Variants in MELK observed in about 807,000 individuals in gnomAD.
The protein encoded by MELK is pEg3 kinase.
Under a neutral mutation model 85.0 loss-of-function variants are expected in MELK, and 81 were observed. The ratio of observed to expected loss-of-function variants is 0.95; its 90% CI spans 0.80 to 1.15. MELK has a LOEUF of 1.15. MELK is among the 50% of genes most tolerant of loss of function. MELK has a pLI of 0.00. For synonymous variants in MELK, 252 were observed against 265.0 expected, an observed-to-expected ratio of 0.95 and a Z score of 0.48; for missense variants, 754 against 777.5, an observed-to-expected ratio of 0.97 and a Z score of 0.36.
At chr9:36,620,961 T>C (rs945851287) in intron 8 of MELK, among the ~76,000 whole-genome samples, 4 of 151,854 alleles carry the variant, frequency 2.6e-5, no homozygotes, top group Non-Finnish European at 5.9e-5. Flanking sequence ...ATCCCTAAAC[T>C]AAGTTGTTCA....
intron 10 of MELK, 30 bp downstream of exon 10, chr9:36,633,230 T>G: frequency 1.3e-6 from 2 of 1,529,610 alleles, no homozygotes. Flanking sequence ...GTAGAATTTT[T>G]TTTTGACTTT....
At chr9:36,585,865 G>A (rs1315481561) in intron 3 of MELK, among the ~76,000 whole-genome samples, 1 of 152,052 alleles carries the variant, frequency 6.6e-6, no homozygotes, top group Non-Finnish European at 1.5e-5. Flanking sequence ...TTGAGCCTAG[G>A]AGGTTGAGGC....
intron 11 of MELK, among the ~76,000 whole-genome samples, chr9:36,648,568 C>T (rs769480146): frequency 4.6e-5 from 7 of 152,174 alleles, no homozygotes; most frequent in South Asian, 2.1e-4. Flanking sequence ...GAAATGGATG[C>T]GCAAAGTCTT....
At chr9:36,607,464 A>G in intron 7 of MELK, 111 bp from the exon 8 acceptor site, 1 of 790,436 alleles carries the variant, frequency 1.3e-6, no homozygotes, top group Admixed American at 2.2e-5. Flanking sequence ...TTGATATCTG[A>G]GTTCTTTTTT....
At position 36,633,124 on chromosome 9, in the gene MELK, C is replaced by T. The variant is rs201211316; in HGVS notation, c.758C>T (p.Ser253Phe). ...MLQVDPKKRI[S>F]MKNLLNHPWI... is the part of the protein sequence containing the mutation. ...TAGGTGGACCCAAAGAAACGGATTT[C>T]TATGAAAAATCTATTGAACCATCCC... Residue 253 changes from serine to phenylalanine, a missense_variant, in exon 10 of 18, where the codon TCT becomes TTT. Physicochemically the swap from Ser to Phe is radical, Grantham distance 155. Coordinates refer to ENST00000298048, the MANE Select transcript of MELK (RefSeq NM_014791.4). 1.2e-5 allele frequency: 19 copies of T among 1,609,136 alleles called. No homozygotes were observed. The African/African-American group carries it at 2.4e-4, about 20-fold the overall frequency.
rs374174678 is a variant in MELK at position 36,631,767 on chromosome 9, CT to C, written c.736-1325del. Among the ~76,000 whole-genome samples the C allele has an allele frequency of 3.8e-3, 561 of 147,254 alleles. 1 individual carries two copies. Among genetic ancestry groups the C allele is most frequent in the Middle Eastern group, 0.018 (5 of 280 alleles). On this transcript the variant is annotated intron_variant, in intron 9 of 17. Transcript: ENST00000298048. ...TTTTTTGTGTTCTTTCTTTAGTTTT[CT>C]TTTTTTTTTGGTTGTTTTTAAATTT... is the stretch of plus-strand genomic sequence containing the variant.
chr9:36,627,524 CT>C (rs150933274), intron 8 of MELK, among the ~76,000 whole-genome samples: 379 of 134,468 alleles, frequency 2.8e-3, no homozygotes, highest in African/African-American at 5.4e-3. Context: ...CTCTCTCTCT[CT>C]TTTTTTTTTT....
intron 13 of MELK, among the ~76,000 whole-genome samples, chr9:36,662,071 C>T (rs551963245): frequency 6.6e-6 from 1 of 151,416 alleles, no homozygotes; most frequent in African/African-American, 2.4e-5. Flanking sequence ...TATTATATAT[C>T]TTTCTTTTTT....
intron 7 of MELK, among the ~76,000 whole-genome samples, chr9:36,605,821 C>T (rs1825424454): frequency 6.6e-6 from 1 of 151,392 alleles, no homozygotes; most frequent in Non-Finnish European, 1.5e-5. Flanking sequence ...TTGTTTTCTT[C>T]CTTCCTTTCC....
At chr9:36,574,996 C>T (rs1162630369) in intron 1 of MELK, among the ~76,000 whole-genome samples, 1 of 151,960 alleles carries the variant, frequency 6.6e-6, no homozygotes, top group Admixed American at 6.6e-5. Context: ...ATTAGCCGGG[C>T]GTGGTGGCGC....
chr9:36,583,516 C>G (rs1822484886), intron 2 of MELK, 111 bp from the exon 3 acceptor site: 1 of 562,512 alleles, frequency 1.8e-6, no homozygotes, highest in South Asian at 5.4e-5. Flanking sequence ...AAAAAAGCCA[C>G]AAACTTCTAG....
chr9:36,616,048 C>T (rs1315748869), intron 8 of MELK, among the ~76,000 whole-genome samples: 1 of 152,176 alleles, frequency 6.6e-6, no homozygotes, highest in African/African-American at 2.4e-5. Context: ...TCCGCTCCTC[C>T]AGCCGCTGCT....
Position 36,586,863 on chromosome 9 carries a change from T to C in MELK, c.145-2673T>C, listed in dbSNP as rs1424831887. Among the ~76,000 whole-genome samples, 4 of 152,158 alleles carry C rather than the reference T, an allele frequency of 2.6e-5. No homozygotes were observed. The South Asian group carries it at 8.3e-4, about 31-fold the overall frequency. On this transcript the variant is annotated intron_variant, in intron 3 of 17. Coordinates refer to ENST00000298048, the MANE Select transcript of MELK (RefSeq NM_014791.4). Reference sequence around the variant, plus strand: ...TTGATTACTTCCATGGTTTTATTTATTTATTTATTTATTTTTGAGATGGAG... The same window carrying C: ...TTGATTACTTCCATGGTTTTATTTACTTATTTATTTATTTTTGAGATGGAG...
intron 8 of MELK, 77 bp downstream of exon 8, chr9:36,607,750 AC>A: frequency 9.7e-7 from 1 of 1,030,682 alleles, no homozygotes; most frequent in Non-Finnish European, 1.5e-6. Flanking sequence ...TCATAAATGT[AC>A]AAAAACAGGC....
chr9:36,639,365 G>A (rs887490137), intron 10 of MELK, among the ~76,000 whole-genome samples: 1 of 152,128 alleles, frequency 6.6e-6, no homozygotes. Flanking sequence ...TTCATCAAGA[G>A]TGAACTATTA....
chr9:36,595,213 G>C (rs1270390674), intron 5 of MELK, among the ~76,000 whole-genome samples: 7 of 152,050 alleles, frequency 4.6e-5, no homozygotes, highest in African/African-American at 1.7e-4. Context: ...TCGGCTCACT[G>C]CAAGCTCCGC....
intron 12 of MELK, among the ~76,000 whole-genome samples, chr9:36,652,729 C>CAAAAAA (rs745699767): frequency 2.1e-5 from 2 of 95,066 alleles, no homozygotes; most frequent in Non-Finnish European, 2.1e-5. Flanking sequence ...GACTCTGTCT[C>CAAAAAA]AAAAAAAAAA....
rs1831042241 is a variant in MELK at position 36,654,530 on chromosome 9, A to G, written c.1053+2653A>G. ...GCCACCACACCTATCTAATTTTTGT[A>G]TTTTTAGTAGAGATGGGATTTCACC... On this transcript the variant is annotated intron_variant, in intron 12 of 17. Coordinates refer to ENST00000298048, the MANE Select transcript of MELK (RefSeq NM_014791.4). 2.0e-5 allele frequency among the ~76,000 whole-genome samples: 3 copies of G among 150,886 alleles called. No individual in the cohort carries two copies. The South Asian group carries it at 6.3e-4, about 32-fold the overall frequency.
chr9:36,675,667 C>T (rs1446432549), intron 17 of MELK, among the ~76,000 whole-genome samples: 1 of 152,096 alleles, frequency 6.6e-6, no homozygotes, highest in Non-Finnish European at 1.5e-5. Context: ...TTTCACCTTA[C>T]CTCTCTCCCG....
Sources: gnomAD v4.1 joint callset for allele counts (sites outside exome capture counted in the v4.1 genomes callset) on GRCh38, gnomAD v4.1.1 for gene constraint, MANE v1.5 for transcripts, NCBI Gene and HGNC (gene_info 2026-07-23, HGNC 2026-07-21) for gene names.